PTPRQ: variants seen among roughly 807,000 people sequenced by gnomAD.
PTPRQ encodes the protein phosphatidylinositol phosphatase PTPRQ.
A neutral mutation model predicts 246.0 loss-of-function variants in PTPRQ; 199 were observed. The ratio of observed to expected loss-of-function variants is 0.81; its 90% CI spans 0.72 to 0.91. PTPRQ has a LOEUF of 0.91. Ranked by LOEUF, PTPRQ falls within the 40% of genes least tolerant of loss-of-function variation. The pLI is 0.00. For missense variants in PTPRQ, 2,624 were observed against 2,528.4 expected (o/e 1.04, Z -0.81); for synonymous variants, 869 against 853.2 (o/e 1.02, Z -0.32).
intron 29 of PTPRQ, among the ~76,000 whole-genome samples, chr12:80,614,188 CA>C (rs1184345162): frequency 6.6e-6 from 1 of 150,508 alleles, no homozygotes; most frequent in Non-Finnish European, 1.5e-5. Flanking sequence ...AATGGAAAAG[CA>C]AATTTTAAGG....
chr12:80,662,993 G>A (rs1900679568), intron 39 of PTPRQ, among the ~76,000 whole-genome samples: 1 of 151,720 alleles, frequency 6.6e-6, no homozygotes, highest in Admixed American at 6.6e-5. Flanking sequence ...AACACCTTTG[G>A]GCAAACATTT....
rs116825015 is a variant in PTPRQ, at chr12:80,529,828, T to C, written c.2679-4187T>C. Reference sequence around the variant, plus strand: ...CAAAGTAATTAAATTTTTTTTTCATTTCCTAAATTAGAAAAAGCTTCGAAA... The same window carrying C: ...CAAAGTAATTAAATTTTTTTTTCATCTCCTAAATTAGAAAAAGCTTCGAAA... On this transcript the variant is annotated intron_variant, in intron 17 of 44. Coordinates refer to ENST00000644991, the MANE Select transcript of PTPRQ (RefSeq NM_001145026.2). Among the ~76,000 whole-genome samples, 1,208 of 152,274 alleles carry C rather than the reference T, an allele frequency of 7.9e-3. 16 individuals carry two copies. The highest frequency in any genetic ancestry group is 0.028 in the African/African-American group (1,147 of 41,566).
intron 7 of PTPRQ, among the ~76,000 whole-genome samples, chr12:80,470,741 A>G (rs755635277): frequency 1.3e-5 from 2 of 152,210 alleles, no homozygotes; most frequent in Non-Finnish European, 2.9e-5. Context: ...AAAATAAAAC[A>G]AAAATAAAAT....
chr12:80,522,765 C>T (rs1895543624), intron 17 of PTPRQ, among the ~76,000 whole-genome samples: 1 of 152,090 alleles, frequency 6.6e-6, no homozygotes, highest in South Asian at 2.1e-4. Context: ...TTTGGTTTGC[C>T]AGTATTTTAT....
chr12:80,601,305 T>C (rs1278504077), intron 26 of PTPRQ, among the ~76,000 whole-genome samples: 1 of 151,834 alleles, frequency 6.6e-6, no homozygotes, highest in African/African-American at 2.4e-5. Context: ...TTCTCTTCTA[T>C]ATTTCCAGCA....
At chr12:80,602,547 G>A (rs1328813791) in intron 26 of PTPRQ, among the ~76,000 whole-genome samples, 1 of 151,716 alleles carries the variant, frequency 6.6e-6, no homozygotes, top group African/African-American at 2.4e-5. Flanking sequence ...GGGGAGGAAC[G>A]CGTGTCCTCA....
At chr12:80,492,761 TA>T (rs1426537852) in intron 9 of PTPRQ, among the ~76,000 whole-genome samples, 1 of 151,976 alleles carries the variant, frequency 6.6e-6, no homozygotes, top group Non-Finnish European at 1.5e-5. Flanking sequence ...AAACTATTAA[TA>T]TTACCATGTA....
intron 16 of PTPRQ, among the ~76,000 whole-genome samples, chr12:80,507,012 A>G (rs371821654): frequency 6.6e-6 from 1 of 152,134 alleles, no homozygotes; most frequent in African/African-American, 2.4e-5. Flanking sequence ...TTACATTTTT[A>G]AGAATAGACA....
chr12:80,458,836 A>G (rs978721621), intron 4 of PTPRQ, among the ~76,000 whole-genome samples: 1 of 152,110 alleles, frequency 6.6e-6, no homozygotes, highest in African/African-American at 2.4e-5. Flanking sequence ...ATTACAACCA[A>G]TTGCAGGGTA....
chr12:80,546,053 C>T (rs567556781), intron 23 of PTPRQ, among the ~76,000 whole-genome samples: 1 of 152,212 alleles, frequency 6.6e-6, no homozygotes, highest in South Asian at 2.1e-4. Flanking sequence ...TGCAGTGGCT[C>T]ACGCCTGTAA....
rs375848372 is a variant in PTPRQ at position 80,598,591 on chromosome 12, C to A, written c.4610-6468C>A. Reference sequence around the variant, plus strand: ...TGCTGAGTCAAAGTCGACTTGTAGTCCTTGAAGTTGTTAATATTTGTATAG... The same window carrying A: ...TGCTGAGTCAAAGTCGACTTGTAGTACTTGAAGTTGTTAATATTTGTATAG... On this transcript the variant is annotated intron_variant, in intron 26 of 44. Transcript: ENST00000644991. Among the ~76,000 whole-genome samples, 6 of 151,892 alleles carry A rather than the reference C, an allele frequency of 4.0e-5. No homozygotes were observed. In the East Asian group the frequency reaches 5.8e-4, roughly 15 times the overall value.
chr12:80,554,596 T>C (rs1302319165), intron 25 of PTPRQ, among the ~76,000 whole-genome samples: 1 of 152,168 alleles, frequency 6.6e-6, no homozygotes, highest in Non-Finnish European at 1.5e-5. Flanking sequence ...GGGGTGTTCT[T>C]TTCTGCAGTG....
chr12:80,449,629 G>A (rs1013339043), intron 3 of PTPRQ, among the ~76,000 whole-genome samples: 3 of 151,482 alleles, frequency 2.0e-5, no homozygotes, highest in Non-Finnish European at 4.4e-5. Context: ...TTATTAAATA[G>A]GGAATCCCTT....
chr12:80,608,654 GGACTCTTGAAA>G (rs1456446811), intron 27 of PTPRQ, among the ~76,000 whole-genome samples: 1 of 147,854 alleles, frequency 6.8e-6, no homozygotes, highest in Non-Finnish European at 1.5e-5. Flanking sequence ...AGAATTCTAT[GGACTCTTGAAA>G]GACCTGGGCT....
At chr12:80,481,089 C>T (rs1419021953) in intron 8 of PTPRQ, among the ~76,000 whole-genome samples, 3 of 152,098 alleles carry the variant, frequency 2.0e-5, no homozygotes, top group Non-Finnish European at 4.4e-5. Flanking sequence ...AATTTTAGAC[C>T]AATATCCTTG....
At position 80,471,473 on chromosome 12, in the gene PTPRQ, C is replaced by CTTTTT. The variant is rs1364723133; in HGVS notation, c.1040-632_1040-631insTTTTT. Among the ~76,000 whole-genome samples the CTTTTT allele has an allele frequency of 1.3e-4, 5 of 38,034 alleles. No individual in the cohort carries two copies. In the South Asian group the frequency reaches 2.9e-3, roughly 22 times the overall value. 25.0% of individuals were successfully genotyped at this position (38,034 alleles called of 152,430 possible). A position where few individuals can be genotyped will look rare whatever the true frequency, so the allele number is the denominator to read the frequency against. On this transcript the variant is annotated intron_variant, in intron 7 of 44. Coordinates refer to ENST00000644991, the MANE Select transcript of PTPRQ (RefSeq NM_001145026.2). ...TATAGAAGATAATGAAATTATTTAG[C>CTTTTT]ATTTTTTTTTTTTTTTTTATTTGAG...
At chr12:80,631,816 T>C (rs997810992) in intron 33 of PTPRQ, among the ~76,000 whole-genome samples, 2 of 152,172 alleles carry the variant, frequency 1.3e-5, no homozygotes, top group Admixed American at 1.3e-4. Flanking sequence ...GAAGTGTACA[T>C]GTTCAGTTTT....
chr12:80,447,787 A>AT (rs1892599357), intron 3 of PTPRQ, among the ~76,000 whole-genome samples: 3 of 150,758 alleles, frequency 2.0e-5, no homozygotes. Flanking sequence ...GTACTGTGCT[A>AT]TTTTAGTTAC....
chr12:80,477,173 T>A lies in PTPRQ; in HGVS notation c.1186+4922T>A, dbSNP rs1000130037. 3.9e-5 allele frequency among the ~76,000 whole-genome samples: 6 copies of A among 152,248 alleles called. No homozygotes were observed. In the East Asian group the frequency reaches 1.2e-3, roughly 29 times the overall value. On this transcript the variant is annotated intron_variant, in intron 8 of 44. Coordinates refer to ENST00000644991, the MANE Select transcript of PTPRQ (RefSeq NM_001145026.2). ...TATTTTTATTTACTATTGCAATGAG[T>A]GAGGGCACCTGAAATTTGAAAATAA...
Sources: gnomAD v4.1 joint callset for allele counts (sites outside exome capture counted in the v4.1 genomes callset) on GRCh38, gnomAD v4.1.1 for gene constraint, MANE v1.5 for transcripts, NCBI Gene and HGNC (gene_info 2026-07-23, HGNC 2026-07-21) for gene names.